DIAPH1: variants seen among roughly 807,000 people sequenced by gnomAD.
DIAPH1 encodes protein diaphanous homolog 1.
DIAPH1 carries 46 observed loss-of-function variants against 140.7 expected under a neutral mutation model. The observed-to-expected ratio is 0.33, with a 90% confidence interval of 0.26 to 0.42. The LOEUF (loss-of-function observed/expected upper bound fraction) is 0.42, where lower values mean the gene tolerates loss of function less well. Among genes scored for constraint, DIAPH1 ranks in the 10% least tolerant of loss-of-function variants. The probability of loss-of-function intolerance (pLI) is 1.00; values close to 1 mark genes in which losing one functional copy is unlikely to be tolerated. For synonymous variants in DIAPH1, 565 were observed against 551.6 expected (o/e 1.02, Z -0.34); for missense variants, 1,310 against 1,558.7 (o/e 0.84, Z 2.69).
chr5:141,518,312 G>GA (rs55840265), intron 27 of DIAPH1, among the ~76,000 whole-genome samples: 46 of 115,282 alleles, frequency 4.0e-4, no homozygotes, highest in African/African-American at 8.8e-4. Flanking sequence ...AGCTCAATTG[G>GA]AAAAAAAAAA....
At chr5:141,581,757 A>G (rs943727465) in intron 7 of DIAPH1, among the ~76,000 whole-genome samples, 1 of 152,174 alleles carries the variant, frequency 6.6e-6, no homozygotes, top group Non-Finnish European at 1.5e-5. Context: ...AATTAGCAAA[A>G]GAAAGTAAAG....
chr5:141,556,679 T>A (rs1267315104), intron 18 of DIAPH1, among the ~76,000 whole-genome samples: 1 of 152,078 alleles, frequency 6.6e-6, no homozygotes, highest in Non-Finnish European at 1.5e-5. Context: ...CTGAGAGATC[T>A]TCTTTTTATT....
chr5:141,541,820 G>C (rs2099890025), intron 18 of DIAPH1, among the ~76,000 whole-genome samples: 1 of 152,236 alleles, frequency 6.6e-6, no homozygotes. Context: ...TTACATTTCA[G>C]TTATGTGAAC....
intron 8 of DIAPH1, among the ~76,000 whole-genome samples, chr5:141,579,471 C>A (rs529376391): frequency 1.3e-5 from 2 of 152,102 alleles, no homozygotes; most frequent in African/African-American, 4.8e-5. Context: ...TAAATTGATA[C>A]AACTTTTGGA....
At chr5:141,578,163 G>T (rs372415816) in intron 11 of DIAPH1, 62 bp downstream of exon 11, 3 of 1,205,390 alleles carry the variant, frequency 2.5e-6, no homozygotes, top group South Asian at 1.2e-5. Context: ...TCCACACAGG[G>T]ATCAGGGAAC....
At chr5:141,570,012 A>C (rs752520406) in intron 18 of DIAPH1, among the ~76,000 whole-genome samples, 3 of 152,142 alleles carry the variant, frequency 2.0e-5, no homozygotes, top group Non-Finnish European at 4.4e-5. Context: ...TTTGTGACTA[A>C]GGGGGCCACT....
At position 141,572,465 on chromosome 5, in the gene DIAPH1, G is replaced by A. The variant is rs2099895332; in HGVS notation, c.2359-425C>T. Among the ~76,000 whole-genome samples the A allele has an allele frequency of 2.6e-5, 4 of 152,092 alleles. No individual in the cohort carries two copies. The South Asian group carries it at 8.3e-4, about 31-fold the overall frequency. The stretch of plus-strand genomic sequence containing the variant: ...AAAGGCTAACTCACTCAGAATCACA[G>A]GCATCTCAAACACATCATGGGAACA... On this transcript the variant is annotated intron_variant, in intron 16 of 27. Coordinates refer to ENST00000389054, the MANE Select transcript of DIAPH1 (RefSeq NM_005219.5).
chr5:141,565,503 G>A lies in DIAPH1; in HGVS notation c.2482+5925C>T, dbSNP rs539395207. On this transcript the variant is annotated intron_variant, in intron 18 of 27. Transcript: ENST00000389054. The surrounding 1 kb of genome is among the most constrained non-coding windows in gnomAD (Gnocchi z 4.3). Reference sequence around the variant, plus strand: ...AAATGATGATAACAAATTAGTCCAGGAACTGGCTTTAGACAGGACCATGGT... The same window carrying A: ...AAATGATGATAACAAATTAGTCCAGAAACTGGCTTTAGACAGGACCATGGT... 5.9e-5 allele frequency among the ~76,000 whole-genome samples: 9 copies of A among 152,112 alleles called. No individual in the cohort carries two copies. Among genetic ancestry groups the A allele is most frequent in the Non-Finnish European group, 1.3e-4 (9 of 68,014 alleles).
intron 1 of DIAPH1, among the ~76,000 whole-genome samples, chr5:141,602,223 AT>A (rs869250134): frequency 1.0e-4 from 15 of 149,510 alleles, no homozygotes; most frequent in South Asian, 4.2e-4. Context: ...ACAAAAAAAA[AT>A]TTTTTTTTTT....
At position 141,516,753 on chromosome 5, in the gene DIAPH1, C is replaced by T. The variant is rs1365059812; in HGVS notation, c.*98G>A. 1 of 1,420,310 alleles carries T rather than the reference C, an allele frequency of 7.0e-7. No individual in the cohort carries two copies. Among genetic ancestry groups the T allele is most frequent in the Non-Finnish European group, 9.8e-7 (1 of 1,018,078 alleles). 88.0% of individuals were successfully genotyped at this position (1,420,310 alleles called of 1,614,324 possible). A position where few individuals can be genotyped will look rare whatever the true frequency, so the allele number is the denominator to read the frequency against. ...ACAGGGTCAGGGTGGTGGGAGTGGC[C>T]ACCCCAGAGGAATATCCCCTTGAGC... is the stretch of plus-strand genomic sequence containing the variant. On this transcript the variant is annotated 3_prime_UTR_variant, in exon 28 of 28. Transcript: ENST00000389054.
chr5:141,540,650 A>G (rs1229704392), intron 18 of DIAPH1, among the ~76,000 whole-genome samples: 4 of 150,432 alleles, frequency 2.7e-5, no homozygotes, highest in African/African-American at 7.3e-5. Flanking sequence ...TCCTGACCTC[A>G]GGGGATCCAC....
chr5:141,545,254 A>C (rs569926425), intron 18 of DIAPH1, among the ~76,000 whole-genome samples: 1 of 152,238 alleles, frequency 6.6e-6, no homozygotes, highest in Non-Finnish European at 1.5e-5. Flanking sequence ...TGTACACATA[A>C]AAAGGGTGAA....
intron 18 of DIAPH1, among the ~76,000 whole-genome samples, chr5:141,550,936 T>C (rs561365648): frequency 6.6e-6 from 1 of 152,346 alleles, no homozygotes; most frequent in African/African-American, 2.4e-5. Flanking sequence ...GGGTCTATAA[T>C]GCCCTTGCAG....
chr5:141,618,783 G>A lies in DIAPH1; in HGVS notation c.117+15C>T. 6.5e-7 allele frequency: 1 copy of A among 1,532,094 alleles called. No homozygotes were observed. Among genetic ancestry groups the A allele is most frequent in the Non-Finnish European group, 8.9e-7 (1 of 1,127,820 alleles). The allele number at this position is 1,532,094 out of a possible 1,614,324, so 94.9% of individuals were successfully genotyped here. ...TTACGGGGCCAGGCAGGAGCGGGAT[G>A]GGAGGGACACTCACAAATTTCTTAG... On this transcript the variant is annotated intron_variant, in intron 1 of 27. Coordinates refer to ENST00000389054, the MANE Select transcript of DIAPH1 (RefSeq NM_005219.5).
chr5:141,520,299 T>C (rs923793187), intron 27 of DIAPH1, among the ~76,000 whole-genome samples: 1 of 152,164 alleles, frequency 6.6e-6, no homozygotes, highest in Non-Finnish European at 1.5e-5. Flanking sequence ...CAACCTTCTC[T>C]AGATAGGAGG....
At chr5:141,535,683 T>C (rs2154595167) in intron 18 of DIAPH1, among the ~76,000 whole-genome samples, 1 of 152,222 alleles carries the variant, frequency 6.6e-6, no homozygotes, top group East Asian at 1.9e-4. Flanking sequence ...CCAAGGAGGG[T>C]TGAGCAATAC....
intron 18 of DIAPH1, among the ~76,000 whole-genome samples, chr5:141,540,033 ATTC>A (rs1318054480): frequency 6.6e-6 from 1 of 151,822 alleles, no homozygotes; most frequent in African/African-American, 2.4e-5. Flanking sequence ...ATTTGAGATC[ATTC>A]TTCTTCCTTA....
chr5:141,568,323 C>A (rs959828306), intron 18 of DIAPH1, among the ~76,000 whole-genome samples: 1 of 150,814 alleles, frequency 6.6e-6, no homozygotes, highest in Non-Finnish European at 1.5e-5. Flanking sequence ...AACTATTGGA[C>A]CTATTTCCAA....
chr5:141,529,242 T>G lies in DIAPH1; in HGVS notation c.2708A>C (p.Gln903Pro). The G allele has an allele frequency of 6.2e-7, 1 of 1,614,186 alleles. No individual in the cohort carries two copies. The highest frequency in any genetic ancestry group is 8.5e-7 in the Non-Finnish European group (1 of 1,180,016). The change falls in exon 21 of 28, where the codon CAG becomes CCG. Residue 903 changes from glutamine to proline, a missense_variant. Gln to Pro is a moderately conservative substitution (Grantham distance 76). Transcript: ENST00000389054. The part of the protein sequence containing the change: ...NLIKQMPEPE[Q>P]LKMLSELKDE... ...CTTCAGTTCAGAAAGCATTTTTAACTGCTCTGGCTCTGGCATTTGCTTAAT... is the reference window on the plus strand; with the variant it reads ...CTTCAGTTCAGAAAGCATTTTTAACGGCTCTGGCTCTGGCATTTGCTTAAT...
Sources: allele counts gnomAD v4.1 joint callset (sites outside exome capture counted in the v4.1 genomes callset), GRCh38; gene constraint gnomAD v4.1.1; non-coding constraint Gnocchi (gnomAD v3.1); transcripts MANE v1.5; gene names NCBI Gene and HGNC (gene_info 2026-07-23, HGNC 2026-07-21).